The following ADCY2 variants were observed in gnomAD, a reference collection of about 807,000 sequenced individuals.
ADCY2 encodes adenylate cyclase type 2.
In ADCY2, 31 loss-of-function variants were observed where a neutral mutation model predicts 125.2. That is an observed-to-expected ratio of 0.25 (90% CI 0.19 to 0.33). The LOEUF (loss-of-function observed/expected upper bound fraction) is 0.33, where lower values mean the gene tolerates loss of function less well. Ranked by LOEUF, ADCY2 falls within the 10% of genes least tolerant of loss-of-function variation. The pLI, the probability that ADCY2 is intolerant of heterozygous loss-of-function variation, is 1.00. For synonymous variants in ADCY2, 512 were observed against 548.4 expected (o/e 0.93, Z 0.93); for missense variants, 904 against 1,418.2 (o/e 0.64, Z 5.82).
intron 15 of ADCY2, among the ~76,000 whole-genome samples, chr5:7,744,820 T>G (rs1244426243): frequency 2.6e-5 from 4 of 152,252 alleles, no homozygotes; most frequent in Non-Finnish European, 4.4e-5. Context: ...AGAAATGTTC[T>G]TTAAAATATT....
At chr5:7,512,854 T>A (rs1298299657) in intron 2 of ADCY2, among the ~76,000 whole-genome samples, 6 of 152,016 alleles carry the variant, frequency 3.9e-5, no homozygotes, top group Non-Finnish European at 1.5e-5. Context: ...TGTGGAAGCA[T>A]CTGGAAGCAT....
intron 2 of ADCY2, among the ~76,000 whole-genome samples, chr5:7,438,555 G>A (rs1462997570): frequency 6.6e-6 from 1 of 152,166 alleles, no homozygotes; most frequent in Non-Finnish European, 1.5e-5. Context: ...CAGGGGTGTG[G>A]CTGTGGTTTA....
chr5:7,533,712 AT>A (rs1734724905), intron 3 of ADCY2, among the ~76,000 whole-genome samples: 1 of 152,142 alleles, frequency 6.6e-6, no homozygotes, highest in Non-Finnish European at 1.5e-5. Flanking sequence ...AGAAACCTGT[AT>A]TTTATTTTCA....
At chr5:7,485,143 C>A (rs1419457349) in intron 2 of ADCY2, among the ~76,000 whole-genome samples, 1 of 152,164 alleles carries the variant, frequency 6.6e-6, no homozygotes, top group Non-Finnish European at 1.5e-5. Flanking sequence ...CCTCTTTATA[C>A]CTGCTGTACA....
At chr5:7,492,433 C>T (rs974716370) in intron 2 of ADCY2, among the ~76,000 whole-genome samples, 3 of 152,122 alleles carry the variant, frequency 2.0e-5, no homozygotes, top group Non-Finnish European at 2.9e-5. Flanking sequence ...GATTGCAGGA[C>T]GTTAAGACCA....
chr5:7,547,851 T>C (rs2126569639), intron 3 of ADCY2, among the ~76,000 whole-genome samples: 1 of 152,310 alleles, frequency 6.6e-6, no homozygotes, highest in Middle Eastern at 3.4e-3. Context: ...AAGTCGTCCG[T>C]CCTGGAGGGA....
chr5:7,646,803 T>A (rs957052620), intron 4 of ADCY2, among the ~76,000 whole-genome samples: 1 of 152,200 alleles, frequency 6.6e-6, no homozygotes, highest in Non-Finnish European at 1.5e-5. Flanking sequence ...CATAAAATGA[T>A]CCCATATTGT....
intron 5 of ADCY2, among the ~76,000 whole-genome samples, chr5:7,693,387 T>A (rs886510682): frequency 6.6e-6 from 1 of 150,924 alleles, no homozygotes; most frequent in African/African-American, 2.4e-5. Flanking sequence ...CTTTGTACCT[T>A]GCATCACAAT....
intron 4 of ADCY2, among the ~76,000 whole-genome samples, chr5:7,653,046 T>A (rs747654858): frequency 1.3e-5 from 2 of 152,194 alleles, no homozygotes; most frequent in Non-Finnish European, 2.9e-5. Flanking sequence ...GTGCTGGAAA[T>A]GATATTGTTT....
intron 4 of ADCY2, among the ~76,000 whole-genome samples, chr5:7,683,045 G>A (rs985549000): frequency 6.6e-6 from 1 of 152,130 alleles, no homozygotes; most frequent in Non-Finnish European, 1.5e-5. Flanking sequence ...CCACTGAAAC[G>A]ACCACATTCT....
intron 1 of ADCY2, among the ~76,000 whole-genome samples, chr5:7,410,538 C>T (rs1340611351): frequency 6.6e-6 from 1 of 151,934 alleles, no homozygotes; most frequent in Non-Finnish European, 1.5e-5. Context: ...GTGGAAGGAA[C>T]CCATAATCAT....
At chr5:7,705,959 CTTTA>C (rs1406204432) in intron 7 of ADCY2, among the ~76,000 whole-genome samples, 1 of 152,116 alleles carries the variant, frequency 6.6e-6, no homozygotes, top group Non-Finnish European at 1.5e-5. Context: ...GTGGTGGTGT[CTTTA>C]TTTGATTGTG....
chr5:7,647,082 A>T (rs1738925606), intron 4 of ADCY2, among the ~76,000 whole-genome samples: 1 of 152,166 alleles, frequency 6.6e-6, no homozygotes, highest in Non-Finnish European at 1.5e-5. Context: ...CCTATTCAGG[A>T]TTCCCTCACT....
chr5:7,497,628 C>T (rs946270809), intron 2 of ADCY2, among the ~76,000 whole-genome samples: 1 of 151,916 alleles, frequency 6.6e-6, no homozygotes, highest in Non-Finnish European at 1.5e-5. Context: ...GAGAAATTAG[C>T]AAGCACCTAT....
At chr5:7,748,848 G>T (rs56297815) in intron 15 of ADCY2, among the ~76,000 whole-genome samples, 1 of 152,162 alleles carries the variant, frequency 6.6e-6, no homozygotes, top group Non-Finnish European at 1.5e-5. Context: ...GGCCCTTGGA[G>T]GTAATATCCA....
At position 7,396,942 on chromosome 5, in the gene ADCY2, T is replaced by C. The variant is rs995515544; in HGVS notation, c.210+436T>C. Among the ~76,000 whole-genome samples the C allele has an allele frequency of 1.3e-5, 2 of 152,196 alleles. No individual in the cohort carries two copies. The highest frequency in any genetic ancestry group is 2.9e-5 in the Non-Finnish European group (2 of 68,032). On this transcript the variant is annotated intron_variant, in intron 1 of 24. Coordinates refer to ENST00000338316, the MANE Select transcript of ADCY2 (RefSeq NM_020546.3). This position sits in a 1 kb window ranked among gnomAD's most constrained non-coding sequence, Gnocchi z 5.7. Reference sequence around the variant, plus strand: ...TGGCATGGCCCCACAGTTGGCATTTTAGTTGGGATTGGGCGTTATTCAACT... The same window carrying C: ...TGGCATGGCCCCACAGTTGGCATTTCAGTTGGGATTGGGCGTTATTCAACT...
intron 2 of ADCY2, among the ~76,000 whole-genome samples, chr5:7,494,951 T>C (rs896676735): frequency 1.3e-5 from 2 of 152,236 alleles, no homozygotes; most frequent in African/African-American, 4.8e-5. Flanking sequence ...TGCCATGTTG[T>C]GGATGTGCCA....
intron 7 of ADCY2, among the ~76,000 whole-genome samples, chr5:7,705,857 A>G (rs898341734): frequency 6.6e-6 from 1 of 152,216 alleles, no homozygotes; most frequent in African/African-American, 2.4e-5. Flanking sequence ...CATTTTTAGC[A>G]TGCTAAAATG....
chr5:7,551,549 A>T (rs1333105857), intron 3 of ADCY2, among the ~76,000 whole-genome samples: 1 of 152,206 alleles, frequency 6.6e-6, no homozygotes, highest in Non-Finnish European at 1.5e-5. Context: ...CTTTAAGAAT[A>T]CATTAATAAT....
Sources: allele counts gnomAD v4.1 joint callset (sites outside exome capture counted in the v4.1 genomes callset), GRCh38; gene constraint gnomAD v4.1.1; non-coding constraint Gnocchi (gnomAD v3.1); transcripts MANE v1.5; gene names NCBI Gene and HGNC (gene_info 2026-07-23, HGNC 2026-07-21).